Variants in KDM5C observed in about 807,000 individuals in gnomAD.
KDM5C encodes the protein lysine demethylase 5C.
In KDM5C, 16 loss-of-function variants were observed where a neutral mutation model predicts 110.6. The ratio of observed to expected loss-of-function variants is 0.14; its 90% CI spans 0.10 to 0.22. The LOEUF is 0.22. KDM5C is among the 10% of genes least tolerant of loss of function. The pLI is 1.00. For synonymous variants in KDM5C, 511 were observed against 520.4 expected, an observed-to-expected ratio of 0.98 and a Z score of 0.24; for missense variants, 681 against 1,300.9, an observed-to-expected ratio of 0.52 and a Z score of 7.33.
chrX:53,189,348 C>T (rs1556829262), downstream of KDM5C, among the ~76,000 whole-genome samples: 1 of 112,197 alleles, frequency 8.9e-6, no homozygotes, highest in Admixed American at 9.4e-5. Flanking sequence ...AAAATCCCAG[C>T]TCTGCCAGGC....
At chrX:53,197,183 CCTT>C in intron 18 of KDM5C, 139 bp from the exon 19 acceptor site, 1 of 498,333 alleles carries the variant, frequency 2.0e-6, no homozygotes, top group South Asian at 2.9e-5. Flanking sequence ...GCTGAGCTCT[CCTT>C]CTCCAAGCCC....
At chrX:53,224,629 C>A in intron 1 of KDM5C, 111 bp downstream of exon 1, 1 of 981,800 alleles carries the variant, frequency 1.0e-6, no homozygotes, top group African/African-American at 1.9e-5. Flanking sequence ...ACAACGGTCC[C>A]AGCCACCCCC....
chrX:53,192,365 A>G lies in KDM5C; in HGVS notation c.*602T>C. 5.4e-6 allele frequency: 1 copy of G among 185,735 alleles called. No individual in the cohort carries two copies. The highest frequency in any genetic ancestry group is 1.0e-5 in the Non-Finnish European group (1 of 98,870). The allele number at this position is 185,735 out of a possible 1,213,427, so 15.3% of individuals were successfully genotyped here. On this transcript the variant is annotated 3_prime_UTR_variant, in exon 26 of 26. Transcript: ENST00000375401. ...AGGGGAGGACAGGGAGGGAGGACTG[A>G]GGTGGTTGTGAGGACAAGCACCAAA...
Position 53,195,904 on chromosome X carries a change from C to T in KDM5C, c.3120+12G>A, listed in dbSNP as rs1934810510. On this transcript the variant is annotated intron_variant, in intron 20 of 25. Coordinates refer to ENST00000375401, the MANE Select transcript of KDM5C (RefSeq NM_004187.5). Reference sequence around the variant, plus strand: ...GACTGAAGGCCTGGGGTGGGAGTGGCAGGGTCCTCACTTGGATCTCATCAA... The same window carrying T: ...GACTGAAGGCCTGGGGTGGGAGTGGTAGGGTCCTCACTTGGATCTCATCAA... 8.3e-7 allele frequency: 1 copy of T among 1,204,044 alleles called. No homozygotes were observed. Among genetic ancestry groups the T allele is most frequent in the Non-Finnish European group, 1.1e-6 (1 of 891,352 alleles).
At position 53,192,872 on chromosome X, in the gene KDM5C, C is replaced by CCA; in HGVS notation, c.*94_*95insTG. On this transcript the variant is annotated 3_prime_UTR_variant, in exon 26 of 26. Coordinates refer to ENST00000375401, the MANE Select transcript of KDM5C (RefSeq NM_004187.5). Reference sequence around the variant, plus strand: ...TAGCAGGGATGGCCACCCCCCTACCCGCCCACCCCCCAAGAAGCAGGCTTG... The same window carrying CCA: ...TAGCAGGGATGGCCACCCCCCTACCCCAGCCCACCCCCCAAGAAGCAGGCTTG... 5 of 810,311 alleles carry CCA rather than the reference C, an allele frequency of 6.2e-6. No individual in the cohort carries two copies. The highest frequency in any genetic ancestry group is 8.3e-6 in the Non-Finnish European group (5 of 602,868). 66.8% of individuals were successfully genotyped at this position (810,311 alleles called of 1,213,427 possible).
At chrX:53,209,237 A>C (rs146491584) in intron 12 of KDM5C, among the ~76,000 whole-genome samples, 1,464 of 111,150 alleles carry the variant, frequency 0.013, 19 homozygotes, top group African/African-American at 0.046. Flanking sequence ...AAAGCAGCAG[A>C]ACTCAAGCCC....
In KDM5C at chrX:53,192,683, C is replaced by T. The variant is rs782662227; in HGVS notation, c.*284G>A. On this transcript the variant is annotated 3_prime_UTR_variant, in exon 26 of 26. Transcript: ENST00000375401. ...ATGGTGATGGCCCAGCCCCAGCCAC[C>T]CCCCTGCCCACCAGCCCATCCATCT... is the stretch of plus-strand genomic sequence containing the variant. 8.0e-6 allele frequency: 9 copies of T among 1,120,754 alleles called. No individual in the cohort carries two copies. The Admixed American group carries it at 2.1e-4, about 26-fold the overall frequency. The allele number at this position is 1,120,754 out of a possible 1,213,427, so 92.4% of individuals were successfully genotyped here.
At chrX:53,208,618 G>A (rs1461619218) in intron 12 of KDM5C, among the ~76,000 whole-genome samples, 1 of 95,372 alleles carries the variant, frequency 1.0e-5, no homozygotes, top group Non-Finnish European at 2.0e-5. Flanking sequence ...TGATTCTCCC[G>A]CCTCAGCCTC....
rs1259169642 is a variant in KDM5C, at chrX:53,181,705, A to AG, written c.4309-5084dup. Reference sequence around the variant, plus strand: ...AAAAAAAAAAAAAAAAAAAAGAAAAAGAAAAAAAGAAACCTCCATAATATG... The same window carrying AG: ...AAAAAAAAAAAAAAAAAAAAGAAAAAGGAAAAAAAGAAACCTCCATAATATG... On this transcript the variant is annotated intron_variant, in intron 25 of 25. Transcript: ENST00000685641. Among the ~76,000 whole-genome samples, 378 of 109,512 alleles carry AG rather than the reference A, an allele frequency of 3.5e-3. 1 individual carries two copies. Among genetic ancestry groups the AG allele is most frequent in the African/African-American group, 0.012 (363 of 30,236 alleles).
At position 53,217,947 on chromosome X, in the gene KDM5C, C is replaced by T; in HGVS notation, c.371G>A (p.Gly124Asp). The change falls in exon 4 of 26, where the codon GGT becomes GAT. Residue 124 changes from glycine (G) to aspartate (D), a missense_variant. Transcript: ENST00000375401. ...SLSKIVVEEG[G>D]YEAICKDRRW... is the part of the protein sequence containing the mutation. ...ACGGTCCTTGCAGATAGCTTCATAA[C>T]CACCTTCCTCCACCACAATCTGAAA... 1 of 1,211,045 alleles carries T rather than the reference C, an allele frequency of 8.3e-7. No homozygotes were observed. Among genetic ancestry groups the T allele is most frequent in the Non-Finnish European group, 1.1e-6 (1 of 895,111 alleles).
rs376032210 is a variant in KDM5C at position 53,218,737 on chromosome X, G to T, written c.229-339C>A. 3 of 316,865 alleles carry T rather than the reference G, an allele frequency of 9.5e-6. No individual in the cohort carries two copies. In the Admixed American group the frequency reaches 1.2e-4, roughly 12 times the overall value. The allele number at this position is 316,865 out of a possible 1,213,427, so 26.1% of individuals were successfully genotyped here. A position where few individuals can be genotyped will look rare whatever the true frequency, so the allele number is the denominator to read the frequency against. ...ACTATAGGCGCACGCCACCACGCCCGGCTAATTTTGTATTTTTTGTAGCAA... is the reference window on the plus strand; with the variant it reads ...ACTATAGGCGCACGCCACCACGCCCTGCTAATTTTGTATTTTTTGTAGCAA... On this transcript the variant is annotated intron_variant, in intron 2 of 25. Transcript: ENST00000375401.
intron 6 of KDM5C, 32 bp from the exon 7 acceptor site, chrX:53,216,008 G>A (rs370484032): frequency 4.1e-6 from 5 of 1,211,569 alleles, no homozygotes; most frequent in East Asian, 3.0e-5. Flanking sequence ...GTAAACACAG[G>A]TCTAGGACAC....
chrX:53,201,770 T>G, intron 13 of KDM5C, 26 bp from the exon 14 acceptor site: 1 of 1,210,958 alleles, frequency 8.3e-7, no homozygotes, highest in Non-Finnish European at 1.1e-6. Context: ...AGGTTGAGTG[T>G]GGCCAAGTCT....
At chrX:53,188,524 C>T (rs1332640328), downstream of KDM5C, among the ~76,000 whole-genome samples, 1 of 109,922 alleles carries the variant, frequency 9.1e-6, no homozygotes, top group East Asian at 2.8e-4. Context: ...TACAGGCACC[C>T]GCGACGACAC....
rs782216325 is a variant in KDM5C at position 53,208,805 on chromosome X, CTTTTTTTTTTT to C, written c.1746+1598_1746+1608del. Among the ~76,000 whole-genome samples the C allele has an allele frequency of 4.5e-4, 10 of 22,173 alleles. 1 individual carries two copies. The highest frequency in any genetic ancestry group is 1.9e-3 in the Admixed American group (2 of 1,063). 19.3% of individuals were successfully genotyped at this position (22,173 alleles called of 115,157 possible). ...CAGGCATGAGCCACCACACCCGGCT[CTTTTTTTTTTT>C]TTTTTTTTTTTTTTTTTGAGACAGG... On this transcript the variant is annotated intron_variant, in intron 12 of 25. Coordinates refer to ENST00000375401, the MANE Select transcript of KDM5C (RefSeq NM_004187.5).
At chrX:53,203,123 A>G (rs2073201264) in intron 12 of KDM5C, among the ~76,000 whole-genome samples, 2 of 111,820 alleles carry the variant, frequency 1.8e-5, no homozygotes, top group African/African-American at 6.5e-5. Flanking sequence ...TTTTTTTAAA[A>G]ACTCCCATAG....
intron 25 of KDM5C, among the ~76,000 whole-genome samples, chrX:53,177,002 A>G (rs1556824416): frequency 9.0e-6 from 1 of 111,607 alleles, no homozygotes. Context: ...TAATCCCAGC[A>G]CTTTGTGAGG....
Position 53,192,873 on chromosome X carries a change from G to GCCCCCCCCCCCCC in KDM5C, c.*93_*94insGGGGGGGGGGGGG. ...AGCAGGGATGGCCACCCCCCTACCCGCCCACCCCCCAAGAAGCAGGCTTGA... is the reference window on the plus strand; with the variant it reads ...AGCAGGGATGGCCACCCCCCTACCCGCCCCCCCCCCCCCCCCACCCCCCAAGAAGCAGGCTTGA... On this transcript the variant is annotated 3_prime_UTR_variant, in exon 26 of 26. Coordinates refer to ENST00000375401, the MANE Select transcript of KDM5C (RefSeq NM_004187.5). 4.3e-6 allele frequency: 1 copy of GCCCCCCCCCCCCC among 230,667 alleles called. No homozygotes were observed. The highest frequency in any genetic ancestry group is 6.3e-6 in the Non-Finnish European group (1 of 159,368). The allele number at this position is 230,667 out of a possible 1,213,427, so 19.0% of individuals were successfully genotyped here.
At chrX:53,182,116 C>T in intron 25 of KDM5C, among the ~76,000 whole-genome samples, 1 of 102,989 alleles carries the variant, frequency 9.7e-6, no homozygotes, top group Middle Eastern at 5.3e-3. Flanking sequence ...TGGATTTTCG[C>T]TCTTGTTGCC....
Sources: gnomAD v4.1 joint callset for allele counts (sites outside exome capture counted in the v4.1 genomes callset) on GRCh38, gnomAD v4.1.1 for gene constraint, MANE v1.5 for transcripts, NCBI Gene and HGNC (gene_info 2026-07-23, HGNC 2026-07-21) for gene names.